The following FAF1 variants were observed in gnomAD, a reference collection of about 807,000 sequenced individuals.
FAF1 encodes FAS-associated factor 1.
A neutral mutation model predicts 92.5 loss-of-function variants in FAF1; 25 were observed. The ratio of observed to expected loss-of-function variants is 0.27; its 90% CI spans 0.20 to 0.38. FAF1 has a LOEUF of 0.38. Ranked by LOEUF, FAF1 falls within the 10% of genes least tolerant of loss-of-function variation. The pLI is 1.00. For synonymous variants in FAF1, 234 were observed against 273.2 expected (o/e 0.86, Z 1.42); for missense variants, 636 against 793.3 (o/e 0.80, Z 2.38).
rs552917238 is a variant in FAF1, at chr1:50,448,744, C to A, written c.1870-7221G>T. Among the ~76,000 whole-genome samples, 10 of 152,328 alleles carry A rather than the reference C, an allele frequency of 6.6e-5. No individual in the cohort carries two copies. The East Asian group carries it at 9.6e-4, about 15-fold the overall frequency. On this transcript the variant is annotated intron_variant, in intron 18 of 18. Coordinates refer to ENST00000396153, the MANE Select transcript of FAF1 (RefSeq NM_007051.3). Reference sequence around the variant, plus strand: ...AATCTCTGATCAACTTTTCCGGTAACAAAGGAGGTGATATTTTTATCCCCA... The same window carrying A: ...AATCTCTGATCAACTTTTCCGGTAAAAAAGGAGGTGATATTTTTATCCCCA...
intron 13 of FAF1, among the ~76,000 whole-genome samples, chr1:50,558,521 T>A (rs998665823): frequency 6.6e-6 from 1 of 152,094 alleles, no homozygotes; most frequent in African/African-American, 2.4e-5. Flanking sequence ...ATAATCAAGA[T>A]ACCTAGAATA....
At chr1:50,746,284 A>T (rs1569874605) in intron 4 of FAF1, among the ~76,000 whole-genome samples, 2 of 18,346 alleles carry the variant, frequency 1.1e-4, no homozygotes, top group Admixed American at 9.7e-4. Flanking sequence ...ATATATATAT[A>T]TATATATATT....
chr1:50,907,718 T>A (rs1249486706), intron 1 of FAF1, among the ~76,000 whole-genome samples: 2 of 152,208 alleles, frequency 1.3e-5, no homozygotes, highest in Admixed American at 1.3e-4. Flanking sequence ...GTGGGATTGG[T>A]GGTGATATCC....
intron 4 of FAF1, among the ~76,000 whole-genome samples, chr1:50,765,466 A>T (rs1313715302): frequency 6.6e-6 from 1 of 152,190 alleles, no homozygotes; most frequent in African/African-American, 2.4e-5. Context: ...CATTAAGGAT[A>T]GGGGACTCTG....
intron 1 of FAF1, among the ~76,000 whole-genome samples, chr1:50,910,644 T>C (rs1295390083): frequency 6.6e-6 from 1 of 151,706 alleles, no homozygotes; most frequent in Non-Finnish European, 1.5e-5. Context: ...ACTGCTGTGC[T>C]AGCAGTGAGC....
chr1:50,716,146 T>C (rs1658161337), intron 6 of FAF1, among the ~76,000 whole-genome samples: 1 of 152,206 alleles, frequency 6.6e-6, no homozygotes, highest in African/African-American at 2.4e-5. Flanking sequence ...TAATTCCTGA[T>C]GAAGAAGAGG....
chr1:50,929,548 G>A (rs1645033108), intron 1 of FAF1, among the ~76,000 whole-genome samples: 4 of 152,156 alleles, frequency 2.6e-5, no homozygotes, highest in African/African-American at 7.2e-5. Flanking sequence ...TTCATTGTAA[G>A]AGCTTACATT....
At chr1:50,730,284 A>G (rs1178844932) in intron 6 of FAF1, among the ~76,000 whole-genome samples, 2 of 151,982 alleles carry the variant, frequency 1.3e-5, no homozygotes, top group Non-Finnish European at 2.9e-5. Context: ...ATAATTTATT[A>G]ATTTATTATT....
chr1:50,790,932 C>G (rs1661540452), intron 3 of FAF1, among the ~76,000 whole-genome samples: 2 of 152,076 alleles, frequency 1.3e-5, no homozygotes, highest in South Asian at 4.1e-4. Flanking sequence ...TGTCACTTAA[C>G]AGGACCAACT....
chr1:50,600,733 G>A (rs1652076102), intron 8 of FAF1, among the ~76,000 whole-genome samples: 1 of 152,036 alleles, frequency 6.6e-6, no homozygotes, highest in Non-Finnish European at 1.5e-5. Flanking sequence ...AAATGCAGAA[G>A]AAGGAAGACA....
In FAF1 at chr1:50,729,002, T is replaced by TTATC. The variant is rs763620552; in HGVS notation, c.551+9857_551+9860dup. On this transcript the variant is annotated intron_variant, in intron 6 of 18. Transcript: ENST00000396153. The stretch of plus-strand genomic sequence containing the variant: ...AGGCTGAGAGAAGCCAAAGAAAACT[T>TTATC]TATCTATCTATCTATCTATCTATCT... Among the ~76,000 whole-genome samples the TTATC allele has an allele frequency of 1.3e-3, 144 of 114,908 alleles. 2 individuals are homozygous for TTATC. In the East Asian group the frequency reaches 0.014, roughly 12 times the overall value. The allele number at this position is 114,908 out of a possible 152,430, so 75.4% of individuals were successfully genotyped here.
At chr1:50,769,371 A>G (rs1660695585) in intron 4 of FAF1, among the ~76,000 whole-genome samples, 1 of 152,220 alleles carries the variant, frequency 6.6e-6, no homozygotes, top group Non-Finnish European at 1.5e-5. Flanking sequence ...ATGCATAGAG[A>G]GGAACTGGTA....
chr1:50,769,820 G>A (rs1288942188), intron 4 of FAF1, among the ~76,000 whole-genome samples: 1 of 152,140 alleles, frequency 6.6e-6, no homozygotes, highest in African/African-American at 2.4e-5. Context: ...GGAAGCCAAG[G>A]CAGGTGGATC....
chr1:50,913,289 T>C (rs1311191280), intron 1 of FAF1, among the ~76,000 whole-genome samples: 2 of 152,220 alleles, frequency 1.3e-5, no homozygotes, highest in Non-Finnish European at 2.9e-5. Flanking sequence ...TACAAATACA[T>C]TTCTTTTGCA....
chr1:50,885,976 T>A (rs1007884769), intron 1 of FAF1, among the ~76,000 whole-genome samples: 9 of 152,230 alleles, frequency 5.9e-5, no homozygotes, highest in African/African-American at 2.2e-4. Flanking sequence ...AGAAACACTC[T>A]ACATCTTAAC....
chr1:50,836,163 T>C (rs1644199793), intron 2 of FAF1, among the ~76,000 whole-genome samples: 1 of 139,808 alleles, frequency 7.2e-6, no homozygotes. Flanking sequence ...TTTTGTTTTT[T>C]GTTTCTGTTT....
chr1:50,799,013 T>C (rs1661869722), intron 3 of FAF1, among the ~76,000 whole-genome samples: 1 of 152,158 alleles, frequency 6.6e-6, no homozygotes, highest in African/African-American at 2.4e-5. Context: ...GGTTTTACCA[T>C]GTTGGCCAGG....
chr1:50,575,592 T>C (rs1650690939), intron 12 of FAF1, among the ~76,000 whole-genome samples: 1 of 152,224 alleles, frequency 6.6e-6, no homozygotes, highest in Admixed American at 6.5e-5. Context: ...ATTATTTGTA[T>C]AATTCAAATA....
At position 50,583,055 on chromosome 1, in the gene FAF1, T is replaced by C. The variant is rs118115679; in HGVS notation, c.1032-356A>G. ...CAGTTCATTTATTCCAGAATTCCAATAGAAGGAAAAAACTGTTTCTTTTAA... is the reference window on the plus strand; with the variant it reads ...CAGTTCATTTATTCCAGAATTCCAACAGAAGGAAAAAACTGTTTCTTTTAA... On this transcript the variant is annotated intron_variant, in intron 11 of 18. Coordinates refer to ENST00000396153, the MANE Select transcript of FAF1 (RefSeq NM_007051.3). The surrounding 1 kb of genome is among the most constrained non-coding windows in gnomAD (Gnocchi z 4.2). 1.2e-4 allele frequency among the ~76,000 whole-genome samples: 19 copies of C among 152,042 alleles called. No individual in the cohort carries two copies. In the East Asian group the frequency reaches 3.7e-3, roughly 29 times the overall value.
Sources: allele counts gnomAD v4.1 joint callset (sites outside exome capture counted in the v4.1 genomes callset), GRCh38; gene constraint gnomAD v4.1.1; non-coding constraint Gnocchi (gnomAD v3.1); transcripts MANE v1.5; gene names NCBI Gene and HGNC (gene_info 2026-07-23, HGNC 2026-07-21).